CDH13: variants seen among roughly 807,000 people sequenced by gnomAD.
CDH13 encodes cadherin-13.
Under a neutral mutation model 63.8 loss-of-function variants are expected in CDH13, and 24 were observed. The observed-to-expected ratio is 0.38, with a 90% CI of 0.27 to 0.53. CDH13 has a LOEUF of 0.53. Among genes scored for constraint, CDH13 ranks in the 20% least tolerant of loss-of-function variants. The pLI is 0.85. For synonymous variants in CDH13, 503 were observed against 355.3 expected, an observed-to-expected ratio of 1.42 and a Z score of -4.67; for missense variants, 1,049 against 903.1, an observed-to-expected ratio of 1.16 and a Z score of -2.07.
intron 6 of CDH13, among the ~76,000 whole-genome samples, chr16:83,347,343 G>T (rs1324662719): frequency 1.3e-5 from 2 of 151,520 alleles, no homozygotes; most frequent in East Asian, 3.9e-4. Flanking sequence ...GAGTAAGGGT[G>T]GGGGTAGGGG....
At position 83,404,909 on chromosome 16, in the gene CDH13, A is replaced by G. The variant is rs143515127; in HGVS notation, c.781+59903A>G. On this transcript the variant is annotated intron_variant, in intron 6 of 13. Coordinates refer to ENST00000567109, the MANE Select transcript of CDH13 (RefSeq NM_001257.5). The stretch of plus-strand genomic sequence containing the variant: ...TGATGTTGCATTTTATGGATGAACC[A>G]TAATCCTCAAAAACATTCGTTAGGT... Among the ~76,000 whole-genome samples the G allele has an allele frequency of 4.3e-3, 659 of 152,330 alleles. 7 individuals are homozygous for G. Among genetic ancestry groups the G allele is most frequent in the African/African-American group, 0.015 (628 of 41,570 alleles).
At chr16:82,802,658 G>T (rs79800666) in intron 1 of CDH13, among the ~76,000 whole-genome samples, 1,728 of 152,248 alleles carry the variant, frequency 0.011, 34 homozygotes, top group African/African-American at 0.039. Flanking sequence ...TATAAGAAGT[G>T]CATGTTAGGA....
At chr16:83,323,222 C>T (rs1393465833) in intron 5 of CDH13, among the ~76,000 whole-genome samples, 44 of 142,592 alleles carry the variant, frequency 3.1e-4, no homozygotes, top group African/African-American at 1.0e-3. Context: ...TTCTTTCTTT[C>T]TTTCTTTCTT....
chr16:83,223,527 G>A (rs926342065), intron 5 of CDH13, among the ~76,000 whole-genome samples: 1 of 152,192 alleles, frequency 6.6e-6, no homozygotes, highest in African/African-American at 2.4e-5. Context: ...GGCTCTTCCT[G>A]CCACTTTGCT....
chr16:82,902,569 G>C (rs745957573), intron 2 of CDH13, among the ~76,000 whole-genome samples: 4 of 151,928 alleles, frequency 2.6e-5, no homozygotes, highest in Non-Finnish European at 5.9e-5. Flanking sequence ...CTTGGAATGT[G>C]TTTAGCTTCT....
At chr16:83,268,987 C>A (rs1223888420) in intron 5 of CDH13, among the ~76,000 whole-genome samples, 1 of 152,186 alleles carries the variant, frequency 6.6e-6, no homozygotes, top group African/African-American at 2.4e-5. Context: ...GCTTTTATTT[C>A]CTTCTGACCA....
Position 83,177,800 on chromosome 16 carries a change from A to T in CDH13, c.484-39545A>T, listed in dbSNP as rs138650201. On this transcript the variant is annotated intron_variant, in intron 4 of 13. Transcript: ENST00000567109. Reference sequence around the variant, plus strand: ...TGTCAAACCAAATTGAGTTCCCCTTATTGTGTGCTCTCATGAAGCACTTAC... The same window carrying T: ...TGTCAAACCAAATTGAGTTCCCCTTTTTGTGTGCTCTCATGAAGCACTTAC... Among the ~76,000 whole-genome samples the T allele has an allele frequency of 1.8e-3, 270 of 152,334 alleles. 2 individuals are homozygous for T. Among genetic ancestry groups the T allele is most frequent in the African/African-American group, 6.2e-3 (258 of 41,572 alleles).
At chr16:83,203,263 C>G (rs1025662708) in intron 4 of CDH13, among the ~76,000 whole-genome samples, 1 of 152,054 alleles carries the variant, frequency 6.6e-6, no homozygotes, top group Non-Finnish European at 1.5e-5. Flanking sequence ...AAACAAATTT[C>G]CTTTTGTGTA....
intron 3 of CDH13, among the ~76,000 whole-genome samples, chr16:83,074,412 G>A (rs1018851063): frequency 6.6e-6 from 1 of 152,068 alleles, no homozygotes; most frequent in Admixed American, 6.6e-5. Flanking sequence ...TGGGCACAAG[G>A]TCCGTTCCAT....
At chr16:83,216,425 T>TATATATATATAA (rs2039522753) in intron 4 of CDH13, among the ~76,000 whole-genome samples, 3 of 101,088 alleles carry the variant, frequency 3.0e-5, no homozygotes, top group African/African-American at 1.1e-4. Flanking sequence ...TATATATATA[T>TATATATATATAA]ATATATATAT....
At chr16:83,608,926 C>A (rs1425294838) in intron 8 of CDH13, among the ~76,000 whole-genome samples, 1 of 152,138 alleles carries the variant, frequency 6.6e-6, no homozygotes, top group East Asian at 1.9e-4. Context: ...ATAACAATTA[C>A]ATAAGATCAT....
chr16:83,349,565 C>T (rs2090908051), intron 6 of CDH13, among the ~76,000 whole-genome samples: 1 of 145,144 alleles, frequency 6.9e-6, no homozygotes, highest in South Asian at 2.3e-4. Flanking sequence ...AAAAGGAAGT[C>T]AGACAACTTG....
chr16:82,975,747 C>G (rs1352590120), intron 2 of CDH13, among the ~76,000 whole-genome samples: 6 of 152,210 alleles, frequency 3.9e-5, no homozygotes, highest in African/African-American at 1.4e-4. Flanking sequence ...GTATTGCAAT[C>G]AGTTTCCACA....
chr16:82,901,233 A>G (rs1353623129), intron 2 of CDH13, among the ~76,000 whole-genome samples: 2 of 152,078 alleles, frequency 1.3e-5, no homozygotes, highest in African/African-American at 4.8e-5. Context: ...TTTTCTAGCA[A>G]TATGAGGCCC....
intron 1 of CDH13, among the ~76,000 whole-genome samples, chr16:82,649,678 G>T (rs576067158): frequency 2.6e-5 from 4 of 152,200 alleles, no homozygotes; most frequent in Non-Finnish European, 5.9e-5. Flanking sequence ...AAGGAGAGGG[G>T]ATGTAAGAGA....
intron 10 of CDH13, among the ~76,000 whole-genome samples, chr16:83,715,788 C>A (rs73250501): frequency 0.11 from 16,442 of 151,976 alleles, 1,012 homozygotes; most frequent in African/African-American, 0.16. Context: ...CTTCCTAGCT[C>A]GGGGATGGTC....
chr16:82,926,973 C>G (rs748262763), intron 2 of CDH13, among the ~76,000 whole-genome samples: 34 of 151,944 alleles, frequency 2.2e-4, no homozygotes, highest in Non-Finnish European at 4.7e-4. Flanking sequence ...TCAATGGGGA[C>G]TATTCATCTC....
At chr16:83,446,911 C>G (rs529593256) in intron 6 of CDH13, among the ~76,000 whole-genome samples, 58 of 151,726 alleles carry the variant, frequency 3.8e-4, no homozygotes, top group Non-Finnish European at 7.7e-4. Context: ...TTACCTCTAT[C>G]TCAAGTGTTA....
At chr16:82,906,767 C>T (rs1186328134) in intron 2 of CDH13, among the ~76,000 whole-genome samples, 6 of 152,154 alleles carry the variant, frequency 3.9e-5, no homozygotes, top group Admixed American at 6.5e-5. Context: ...CTTCCCCACC[C>T]CTTCCTAGAT....
Sources: allele counts gnomAD v4.1 joint callset (sites outside exome capture counted in the v4.1 genomes callset), GRCh38; gene constraint gnomAD v4.1.1; transcripts MANE v1.5; gene names NCBI Gene and HGNC (gene_info 2026-07-23, HGNC 2026-07-21).